Variants in SMOC2 observed in about 807,000 individuals in gnomAD.
SMOC2 encodes the protein SPARC related modular calcium binding 2.
In SMOC2, 39 loss-of-function variants were observed where a neutral mutation model predicts 61.4. The ratio of observed to expected loss-of-function variants is 0.64; its 90% confidence interval spans 0.49 to 0.83. The LOEUF is 0.83. Among genes scored for constraint, SMOC2 ranks in the 40% least tolerant of loss-of-function variants. SMOC2 has a pLI of 0.00. For missense variants in SMOC2, 556 were observed against 592.9 expected (o/e 0.94, Z 0.65); for synonymous variants, 247 against 239.9 (o/e 1.03, Z -0.27).
Position 168,467,154 on chromosome 6 carries a change from C to CACACAT in SMOC2, c.84+25705_84+25706insTACACA, listed in dbSNP as rs1399182413. 2.9e-4 allele frequency among the ~76,000 whole-genome samples: 40 copies of CACACAT among 138,010 alleles called. No individual in the cohort carries two copies. The East Asian group carries it at 7.4e-3, about 26-fold the overall frequency. 90.5% of individuals were successfully genotyped at this position (138,010 alleles called of 152,430 possible). On this transcript the variant is annotated intron_variant, in intron 1 of 12. Transcript: ENST00000356284. ...GCTCTCAAACACACACACACACACA[C>CACACAT]ACACACACACACACACACACACACA... is the stretch of plus-strand genomic sequence containing the variant.
At chr6:168,584,816 C>G (rs1785011171) in intron 7 of SMOC2, among the ~76,000 whole-genome samples, 1 of 152,156 alleles carries the variant, frequency 6.6e-6, no homozygotes, top group Non-Finnish European at 1.5e-5. Context: ...GTGGGAGGAG[C>G]TTTGCCCAGT....
chr6:168,518,676 TTG>T (rs1251934673), intron 2 of SMOC2, among the ~76,000 whole-genome samples: 7 of 139,854 alleles, frequency 5.0e-5, no homozygotes, highest in East Asian at 2.4e-4. Flanking sequence ...GAGAGTGTGC[TTG>T]TGTGTGAATG....
intron 9 of SMOC2, among the ~76,000 whole-genome samples, chr6:168,621,893 A>AC (rs1786255568): frequency 6.6e-6 from 1 of 152,170 alleles, no homozygotes. Context: ...ATTGCGTTAC[A>AC]CAGGGGTAAA....
chr6:168,626,603 C>A (rs889491964), intron 9 of SMOC2, among the ~76,000 whole-genome samples: 1 of 152,210 alleles, frequency 6.6e-6, no homozygotes, highest in Non-Finnish European at 1.5e-5. Flanking sequence ...CCACAAAAGG[C>A]AATGGGCTCT....
chr6:168,612,672 A>T (rs1426631439), intron 9 of SMOC2, among the ~76,000 whole-genome samples: 1 of 152,186 alleles, frequency 6.6e-6, no homozygotes, highest in Non-Finnish European at 1.5e-5. Flanking sequence ...GAGGGGAAAA[A>T]GCCAGAACAG....
chr6:168,567,692 G>C (rs763431364), intron 7 of SMOC2, among the ~76,000 whole-genome samples: 2 of 152,292 alleles, frequency 1.3e-5, no homozygotes, highest in Admixed American at 6.5e-5. Context: ...AAGCATTTCC[G>C]AGACTAGAGG....
intron 11 of SMOC2, chr6:168,655,365 T>G: frequency 2.2e-6 from 1 of 455,794 alleles, no homozygotes; most frequent in Non-Finnish European, 4.4e-6. Flanking sequence ...AATACTTTTT[T>G]TTGTGGGCCT....
intron 7 of SMOC2, among the ~76,000 whole-genome samples, chr6:168,562,620 G>A (rs1010998937): frequency 8.5e-5 from 13 of 152,276 alleles, no homozygotes; most frequent in Non-Finnish European, 1.5e-4. Context: ...TAGATGACCC[G>A]CCTGAGCTTC....
chr6:168,589,095 AAGG>A (rs1051952041), intron 7 of SMOC2, among the ~76,000 whole-genome samples: 6 of 151,490 alleles, frequency 4.0e-5, no homozygotes, highest in Non-Finnish European at 8.8e-5. Flanking sequence ...AAAAAAAAAA[AAGG>A]AGTAAATAAG....
intron 4 of SMOC2, among the ~76,000 whole-genome samples, chr6:168,532,116 C>T (rs139356100): frequency 7.9e-5 from 12 of 152,118 alleles, no homozygotes; most frequent in Admixed American, 1.3e-4. Context: ...CTGCTGATGT[C>T]GACCTGTGGG....
intron 7 of SMOC2, among the ~76,000 whole-genome samples, chr6:168,551,926 T>C (rs931772102): frequency 3.3e-5 from 5 of 152,236 alleles, no homozygotes; most frequent in African/African-American, 1.2e-4. Context: ...CAGTAAAAAC[T>C]GAGCAGGCTT....
intron 4 of SMOC2, among the ~76,000 whole-genome samples, chr6:168,530,880 A>G (rs1012330212): frequency 2.0e-5 from 3 of 152,308 alleles, no homozygotes; most frequent in African/African-American, 7.2e-5. Flanking sequence ...AGCAGTGTTC[A>G]CATGAGAACC....
At chr6:168,576,807 C>T (rs16887163) in intron 7 of SMOC2, among the ~76,000 whole-genome samples, 4,615 of 152,138 alleles carry the variant, frequency 0.03, 303 homozygotes, top group African/African-American at 0.11. Flanking sequence ...AGAGACTCAT[C>T]GTCGATGTGA....
intron 11 of SMOC2, among the ~76,000 whole-genome samples, chr6:168,661,559 G>T (rs866805833): frequency 6.6e-6 from 1 of 152,044 alleles, no homozygotes; most frequent in South Asian, 2.1e-4. Flanking sequence ...CTGAGATCGC[G>T]CCACTGCACT....
chr6:168,649,674 C>G, intron 9 of SMOC2, among the ~76,000 whole-genome samples: 1 of 152,208 alleles, frequency 6.6e-6, no homozygotes, highest in East Asian at 1.9e-4. Flanking sequence ...TTGTGAAGCT[C>G]TTAAACCCGC....
intron 7 of SMOC2, among the ~76,000 whole-genome samples, chr6:168,570,877 G>A (rs961676453): frequency 5.9e-5 from 9 of 152,144 alleles, no homozygotes; most frequent in Non-Finnish European, 1.2e-4. Context: ...ATTTGTCTGG[G>A]GGGCAGTGTA....
chr6:168,618,330 A>C (rs1786149893), intron 9 of SMOC2, among the ~76,000 whole-genome samples: 1 of 152,138 alleles, frequency 6.6e-6, no homozygotes, highest in African/African-American at 2.4e-5. Flanking sequence ...GAGGCGAGTC[A>C]AGGAGAGGCA....
At chr6:168,584,847 A>G (rs1299323387) in intron 7 of SMOC2, among the ~76,000 whole-genome samples, 1 of 152,234 alleles carries the variant, frequency 6.6e-6, no homozygotes, top group East Asian at 1.9e-4. Flanking sequence ...AGGAAACCCA[A>G]GCACCTGTGG....
Position 168,667,700 on chromosome 6 carries a change from C to T in SMOC2, c.*1262C>T, listed in dbSNP as rs1007611043. Reference sequence around the variant, plus strand: ...ACTTCAAGCTGTGATTCTATCTCGGCTCAGACTTTTGGTTGGAAAAAGATC... The same window carrying T: ...ACTTCAAGCTGTGATTCTATCTCGGTTCAGACTTTTGGTTGGAAAAAGATC... On this transcript the variant is annotated 3_prime_UTR_variant, in exon 13 of 13. Coordinates refer to ENST00000356284, the MANE Select transcript of SMOC2 (RefSeq NM_001166412.2). The T allele has an allele frequency of 4.6e-5, 7 of 152,206 alleles. No homozygotes were observed. The highest frequency in any genetic ancestry group is 1.0e-4 in the Non-Finnish European group (7 of 68,054). 9.4% of individuals were successfully genotyped at this position (152,206 alleles called of 1,614,324 possible).
Sources: allele counts gnomAD v4.1 joint callset (sites outside exome capture counted in the v4.1 genomes callset), GRCh38; gene constraint gnomAD v4.1.1; transcripts MANE v1.5; gene names NCBI Gene and HGNC (gene_info 2026-07-23, HGNC 2026-07-21).